TLE4: variants seen among roughly 807,000 people sequenced by gnomAD.
TLE4 encodes TLE family member 4, transcriptional corepressor, also known as transducin-like enhancer protein 4.
A neutral mutation model predicts 92.8 loss-of-function variants in TLE4; 8 were observed. The observed-to-expected ratio is 0.09, with a 90% CI of 0.05 to 0.16. TLE4 has a LOEUF of 0.16. Ranked by LOEUF, TLE4 falls within the 10% of genes least tolerant of loss-of-function variation. TLE4 has a pLI of 1.00. For synonymous variants in TLE4, 371 were observed against 374.1 expected (o/e 0.99, Z 0.10); for missense variants, 675 against 997.6 (o/e 0.68, Z 4.36).
intron 8 of TLE4, among the ~76,000 whole-genome samples, chr9:79,661,356 T>C (rs1215863381): frequency 4.6e-5 from 7 of 152,354 alleles, no homozygotes; most frequent in South Asian, 2.1e-4. Context: ...GTCCAACTTA[T>C]GTATTTTGTT....
At chr9:79,592,198 T>C (rs1203433195) in intron 4 of TLE4, among the ~76,000 whole-genome samples, 2 of 138,774 alleles carry the variant, frequency 1.4e-5, no homozygotes, top group African/African-American at 5.9e-5. Flanking sequence ...CTTCTTCTTC[T>C]TCTTCTTCTT....
At chr9:79,573,895 T>C (rs2036790919) in intron 2 of TLE4, 109 bp downstream of exon 2, 2 of 739,326 alleles carry the variant, frequency 2.7e-6, no homozygotes, top group Non-Finnish European at 3.9e-6. Flanking sequence ...GTCACAAAGG[T>C]ATTATTTTTT....
chr9:79,586,222 G>T (rs763934470), intron 4 of TLE4, among the ~76,000 whole-genome samples: 1 of 152,012 alleles, frequency 6.6e-6, no homozygotes, highest in Non-Finnish European at 1.5e-5. Context: ...AATTAACTGG[G>T]CGTGGTGGCG....
chr9:79,606,002 A>G (rs2132799756), intron 4 of TLE4, among the ~76,000 whole-genome samples: 1 of 151,998 alleles, frequency 6.6e-6, no homozygotes, highest in East Asian at 1.9e-4. Flanking sequence ...TTAAGATGAT[A>G]CAAATTAACT....
intron 8 of TLE4, among the ~76,000 whole-genome samples, chr9:79,701,582 G>A (rs986171023): frequency 6.6e-6 from 1 of 152,102 alleles, no homozygotes; most frequent in Non-Finnish European, 1.5e-5. Context: ...TGTAAAATAT[G>A]AAATTAGCCA....
chr9:79,649,999 A>G (rs1192272915), intron 6 of TLE4: 2 of 682,630 alleles, frequency 2.9e-6, no homozygotes, highest in Non-Finnish European at 4.2e-6. Flanking sequence ...CACTGCAGCC[A>G]TGACCTCCCT....
chr9:79,678,109 C>A (rs1446948547), intron 8 of TLE4, among the ~76,000 whole-genome samples: 2 of 152,002 alleles, frequency 1.3e-5, no homozygotes, highest in African/African-American at 4.8e-5. Flanking sequence ...GATATGTGAA[C>A]TATAAATATA....
chr9:79,623,903 C>T (rs2051766462), intron 5 of TLE4, among the ~76,000 whole-genome samples: 1 of 151,978 alleles, frequency 6.6e-6, no homozygotes, highest in African/African-American at 2.4e-5. Context: ...TCTGAGTGAG[C>T]AGCTGGAGCA....
chr9:79,717,629 A>AT (rs1392413666), intron 14 of TLE4, among the ~76,000 whole-genome samples: 64 of 152,272 alleles, frequency 4.2e-4, no homozygotes, highest in Admixed American at 5.9e-4. Flanking sequence ...CAGCCTGTAA[A>AT]TTTTTGCATT....
chr9:79,639,265 T>G (rs2056651494), intron 6 of TLE4, among the ~76,000 whole-genome samples: 1 of 152,090 alleles, frequency 6.6e-6, no homozygotes, highest in South Asian at 2.1e-4. Flanking sequence ...TAAAAAAAAT[T>G]CAGGCCATTT....
chr9:79,606,187 GTTTTTTTTTTTTTTTTTTTTTTTTT>G (rs71364420), intron 4 of TLE4, among the ~76,000 whole-genome samples: 5 of 28,714 alleles, frequency 1.7e-4, no homozygotes, highest in South Asian at 1.4e-3. Context: ...AGTAGTAGTT[GTTTTTTTTTTTTTTTTTTTTTTTTT>G]TTTTTTTTTT....
intron 5 of TLE4, among the ~76,000 whole-genome samples, chr9:79,623,918 G>T (rs2051769789): frequency 6.6e-6 from 1 of 152,076 alleles, no homozygotes; most frequent in Admixed American, 6.5e-5. Context: ...GGAGCAGTAA[G>T]AATGACAACA....
At chr9:79,702,247 T>C (rs1470522543) in intron 8 of TLE4, among the ~76,000 whole-genome samples, 2 of 152,146 alleles carry the variant, frequency 1.3e-5, no homozygotes, top group East Asian at 3.9e-4. Context: ...GGAATTTTTT[T>C]CCCCCTGTGA....
chr9:79,652,388 C>T lies in TLE4; in HGVS notation c.391-205C>T, dbSNP rs571613857. 1.6e-4 allele frequency among the ~76,000 whole-genome samples: 25 copies of T among 152,182 alleles called. No individual in the cohort carries two copies. In the East Asian group the frequency reaches 4.1e-3, roughly 25 times the overall value. On this transcript the variant is annotated intron_variant, in intron 6 of 19. Coordinates refer to ENST00000376552, the MANE Select transcript of TLE4 (RefSeq NM_007005.6). ...ATTTTTAGTAGAGACGGGATTTCACCGTGTTAGCCAGGGTGGTCTCAATCT... is the reference window on the plus strand; with the variant it reads ...ATTTTTAGTAGAGACGGGATTTCACTGTGTTAGCCAGGGTGGTCTCAATCT...
At chr9:79,719,921 T>A in intron 15 of TLE4, 125 bp from the exon 16 acceptor site, 2 of 1,250,382 alleles carry the variant, frequency 1.6e-6, no homozygotes, top group Non-Finnish European at 2.2e-6. Flanking sequence ...ACTTTATCAT[T>A]GTCATAAGTA....
Position 79,718,777 on chromosome 9 carries a change from C to G in TLE4, c.1396C>G (p.Pro466Ala). 6.2e-7 allele frequency: 1 copy of G among 1,614,194 alleles called. No individual in the cohort carries two copies. Among genetic ancestry groups the G allele is most frequent in the Non-Finnish European group, 8.5e-7 (1 of 1,180,038 alleles). Residue 466 changes from proline (P) to alanine (A), a missense_variant, in exon 15 of 20, where the codon CCC (proline) becomes GCC (alanine). By Grantham distance (27) the Pro-to-Ala change is conservative. Transcript: ENST00000376552. Reference protein sequence around the residue: ...DGQMQPVPFPPDALIGPGIPR... With the variant: ...DGQMQPVPFPADALIGPGIPR... ...TCAGATGCAGCCTGTCCCTTTTCCA[C>G]CCGACGCCCTCATCGGACCTGGAAT...
In TLE4 at chr9:79,572,729, G is replaced by T. The variant is rs1171309000; in HGVS notation, c.-62G>T. On this transcript the variant is annotated 5_prime_UTR_variant, in exon 1 of 20. Transcript: ENST00000376552. ...CCGCTGCCGCGGCCGCCTCCTCTTC[G>T]GGGTCATTAAAGCCAATGAGCCGCG... is the stretch of plus-strand genomic sequence containing the variant. 2 of 1,563,916 alleles carry T rather than the reference G, an allele frequency of 1.3e-6. No homozygotes were observed. Among genetic ancestry groups the T allele is most frequent in the East Asian group, 5.0e-5 (2 of 40,212 alleles).
intron 5 of TLE4, among the ~76,000 whole-genome samples, chr9:79,614,068 A>C (rs918879770): frequency 6.6e-6 from 1 of 152,100 alleles, no homozygotes; most frequent in Admixed American, 6.6e-5. Context: ...AATGAGAGTC[A>C]AGGGGTGTAT....
rs2075390066 is a variant in TLE4, at chr9:79,720,380, GTGTGTGTGTGTGTGTGTGTGTGTGT to G, written c.1838+88_1838+112del. The G allele has an allele frequency of 1.4e-5, 11 of 800,746 alleles. No homozygotes were observed. In the African/African-American group the frequency reaches 1.4e-4, roughly 10 times the overall value. The allele number at this position is 800,746 out of a possible 1,614,324, so 49.6% of individuals were successfully genotyped here. On this transcript the variant is annotated intron_variant, in intron 16 of 19. Transcript: ENST00000376552. ...AAGTGCTGTGTATATAGGTATGGGTGTGTGTGTGTGTGTGTGTGTGTGTGTGTGTGTGTGTGTGTGTGTGTAAAGT... is the reference window on the plus strand; with the variant it reads ...AAGTGCTGTGTATATAGGTATGGGTGGTGTGTGTGTGTGTGTGTGTAAAGT...
Sources: gnomAD v4.1 joint callset for allele counts (sites outside exome capture counted in the v4.1 genomes callset) on GRCh38, gnomAD v4.1.1 for gene constraint, MANE v1.5 for transcripts, NCBI Gene and HGNC (gene_info 2026-07-23, HGNC 2026-07-21) for gene names.